CD164: variants seen among roughly 807,000 people sequenced by gnomAD.
CD164 encodes sialomucin core protein 24.
CD164 carries 11 observed loss-of-function variants against 24.6 expected under a neutral mutation model. The observed-to-expected ratio is 0.45, with a 90% CI of 0.28 to 0.74. The LOEUF (loss-of-function observed/expected upper bound fraction) is 0.74. CD164 is among the 30% of genes least tolerant of loss of function. The probability of loss-of-function intolerance (pLI) is 0.13; values close to 1 mark genes in which losing one functional copy is unlikely to be tolerated. For synonymous variants in CD164, 126 were observed against 100.3 expected, an observed-to-expected ratio of 1.26 and a Z score of -1.53; for missense variants, 295 against 243.7, an observed-to-expected ratio of 1.21 and a Z score of -1.40.
At position 109,382,316 on chromosome 6, in the gene CD164, CAGCACGCAG is replaced by C; in HGVS notation, c.54_62del (p.Cys19_Leu21del). 1 of 1,577,764 alleles carries C rather than the reference CAGCACGCAG, an allele frequency of 6.3e-7. No homozygotes were observed. Among genetic ancestry groups the C allele is most frequent in the East Asian group, 2.3e-5 (1 of 43,128 alleles). ...GCTGGGTCGTGTTCTTGTCCGCGGA[CAGCACGCAG>C]AGCACGCCCAGGCAGGTGGCGGCCC... On this transcript the variant is annotated inframe_deletion, in exon 1 of 6. Coordinates refer to ENST00000310786, the MANE Select transcript of CD164 (RefSeq NM_006016.6).
At position 109,368,428 on chromosome 6, in the gene CD164, C is replaced by A. The variant is rs1770890434; in HGVS notation, c.*423G>T. ...ATTTATTCCACTTTTGAAATGACAG[C>A]CAAAAATCCACCTAATTGATTCTCA... On this transcript the variant is annotated 3_prime_UTR_variant, in exon 6 of 6. Coordinates refer to ENST00000310786, the MANE Select transcript of CD164 (RefSeq NM_006016.6). The A allele has an allele frequency of 1.4e-6, 2 of 1,404,566 alleles. No homozygotes were observed. Among genetic ancestry groups the A allele is most frequent in the Non-Finnish European group, 1.8e-6 (2 of 1,081,406 alleles). The allele number at this position is 1,404,566 out of a possible 1,614,324, so 87.0% of individuals were successfully genotyped here.
At chr6:109,376,506 T>C (rs1456593164) in intron 3 of CD164, among the ~76,000 whole-genome samples, 1 of 152,180 alleles carries the variant, frequency 6.6e-6, no homozygotes, top group Non-Finnish European at 1.5e-5. Flanking sequence ...GTCAAAGCCA[T>C]TTTTGAGAGG....
Position 109,379,586 on chromosome 6 carries a change from T to C in CD164, c.252A>G (p.Glu84=). 6.2e-7 allele frequency: 1 copy of C among 1,611,224 alleles called. No homozygotes were observed. Residue 84 remains glutamate, a synonymous_variant, in exon 2 of 6, where the codon GAA becomes GAG. Coordinates refer to ENST00000310786, the MANE Select transcript of CD164 (RefSeq NM_006016.6). ...ATCCCCAAAGTTTCTTACCTTTACA[T>C]TCTATCCAAAAGCAGGTAGTATTAA... ...SVVNTTCFWI[E]CKDESYCSHN... is the part of the protein sequence containing the mutation.
rs547614730 is a variant in CD164, at chr6:109,377,830, G to A, written c.331+70C>T. On this transcript the variant is annotated intron_variant, in intron 3 of 5. Coordinates refer to ENST00000310786, the MANE Select transcript of CD164 (RefSeq NM_006016.6). ...TGCTTCAAACAAAGCACTGAAACAA[G>A]GCTTTCTGAGGCAATGATCTTCCTC... The A allele has an allele frequency of 3.6e-6, 4 of 1,101,536 alleles. No homozygotes were observed. The Admixed American group carries it at 6.8e-5, about 19-fold the overall frequency. The allele number at this position is 1,101,536 out of a possible 1,614,324, so 68.2% of individuals were successfully genotyped here.
At chr6:109,375,617 C>CAAAAAAAAAAAAAAAAGA (rs58138405) in intron 4 of CD164, among the ~76,000 whole-genome samples, 90 of 71,382 alleles carry the variant, frequency 1.3e-3, no homozygotes, top group African/African-American at 3.1e-3. Flanking sequence ...ACTTCGCTTC[C>CAAAAAAAAAAAAAAAAGA]AAAAAAAAAA....
chr6:109,375,962 T>C, intron 4 of CD164, 112 bp downstream of exon 4: 1 of 806,002 alleles, frequency 1.2e-6, no homozygotes, highest in East Asian at 2.9e-5. Context: ...TTTAAGTTTT[T>C]ACTCATCTTT....
At chr6:109,376,518 G>C (rs778804236) in intron 3 of CD164, among the ~76,000 whole-genome samples, 7 of 152,206 alleles carry the variant, frequency 4.6e-5, no homozygotes, top group Non-Finnish European at 1.0e-4. Flanking sequence ...TTTGAGAGGT[G>C]AAAGAGTAAA....
Position 109,382,118 on chromosome 6 carries a change from G to A in CD164, c.175+86C>T, listed in dbSNP as rs1004520133. The A allele has an allele frequency of 3.0e-5, 36 of 1,216,160 alleles. No individual in the cohort carries two copies. In the Admixed American group the frequency reaches 1.1e-3, roughly 37 times the overall value. The allele number at this position is 1,216,160 out of a possible 1,614,324, so 75.3% of individuals were successfully genotyped here. On this transcript the variant is annotated intron_variant, in intron 1 of 5. Coordinates refer to ENST00000310786, the MANE Select transcript of CD164 (RefSeq NM_006016.6). Reference sequence around the variant, plus strand: ...CGGCCCGCCCGCCCGACCGTGGCCCGAACCCGGGCCCCGCCCGCACGGCGA... The same window carrying A: ...CGGCCCGCCCGCCCGACCGTGGCCCAAACCCGGGCCCCGCCCGCACGGCGA...
intron 1 of CD164, among the ~76,000 whole-genome samples, chr6:109,381,305 C>T (rs1043869820): frequency 6.6e-6 from 1 of 152,242 alleles, no homozygotes; most frequent in African/African-American, 2.4e-5. Flanking sequence ...TAACAAAAGA[C>T]ACGCTCCTGA....
Position 109,368,399 on chromosome 6 carries a change from A to G in CD164, c.*452T>C. The stretch of plus-strand genomic sequence containing the variant: ...GATACCATTTAGTACTACTAAATTA[A>G]TAAATTTATTCCACTTTTGAAATGA... On this transcript the variant is annotated 3_prime_UTR_variant, in exon 6 of 6. Coordinates refer to ENST00000310786, the MANE Select transcript of CD164 (RefSeq NM_006016.6). 1.4e-6 allele frequency: 2 copies of G among 1,456,348 alleles called. No individual in the cohort carries two copies. The highest frequency in any genetic ancestry group is 1.8e-6 in the Non-Finnish European group (2 of 1,104,840). 90.2% of individuals were successfully genotyped at this position (1,456,348 alleles called of 1,614,324 possible).
chr6:109,375,480 G>T (rs2115157901), intron 4 of CD164, among the ~76,000 whole-genome samples: 1 of 152,126 alleles, frequency 6.6e-6, no homozygotes, highest in Admixed American at 6.5e-5. Context: ...AGTTGGGCAT[G>T]ATGGCAGGTG....
intron 4 of CD164, chr6:109,372,037 A>G (rs1771103287): frequency 6.6e-6 from 1 of 152,252 alleles, no homozygotes; most frequent in African/African-American, 2.4e-5. Context: ...ACTTCTGTTT[A>G]AAGTACATAA....
chr6:109,376,359 T>C (rs1027836641), intron 3 of CD164, among the ~76,000 whole-genome samples: 4 of 152,194 alleles, frequency 2.6e-5, no homozygotes, highest in Admixed American at 2.0e-4. Flanking sequence ...CTCCAGTGCT[T>C]CCAGGCCATC....
Position 109,382,217 on chromosome 6 carries a change from G to C in CD164, c.162C>G (p.Thr54=), listed in dbSNP as rs1165695362. ...GCCCGCGCCCACCTGGTGCCGGAGT[G>C]GTGACCAGCGGGAGGGACGTCACCG... ...SAPVTSLPLV[T]TPAPETCEGR... Residue 54 remains threonine, a synonymous_variant, in exon 1 of 6, where the codon ACC becomes ACG. Transcript: ENST00000310786. The C allele has an allele frequency of 6.4e-7, 1 of 1,570,998 alleles. No individual in the cohort carries two copies. Among genetic ancestry groups the C allele is most frequent in the East Asian group, 2.3e-5 (1 of 42,558 alleles).
chr6:109,367,680 T>G lies in CD164; in HGVS notation c.*1171A>C, dbSNP rs1770841625. ...TACAGTAACCTGATCAACCAAAAAA[T>G]CCTTAGGTGTTGTGAAATTACATTG... On this transcript the variant is annotated 3_prime_UTR_variant, in exon 6 of 6. Transcript: ENST00000310786. 6.6e-6 allele frequency: 1 copy of G among 152,592 alleles called. No individual in the cohort carries two copies. Among genetic ancestry groups the G allele is most frequent in the Non-Finnish European group, 1.5e-5 (1 of 67,998 alleles). The allele number at this position is 152,592 out of a possible 1,614,324, so 9.5% of individuals were successfully genotyped here.
intron 4 of CD164, among the ~76,000 whole-genome samples, chr6:109,374,869 C>G (rs1016800812): frequency 1.3e-5 from 2 of 152,196 alleles, no homozygotes; most frequent in Non-Finnish European, 2.9e-5. Flanking sequence ...ACATCTGCAT[C>G]CCACCCAATA....
intron 1 of CD164, 180 bp downstream of exon 1, chr6:109,382,024 C>T (rs1771782300): frequency 2.1e-6 from 1 of 475,984 alleles, no homozygotes; most frequent in Non-Finnish European, 3.3e-6. Context: ...GCGCTCCCCA[C>T]CCGGCCCGGC....
intron 1 of CD164, 123 bp downstream of exon 1, chr6:109,382,081 G>T: frequency 1.2e-6 from 1 of 833,564 alleles, no homozygotes; most frequent in Non-Finnish European, 1.6e-6. Context: ...AGTCGCCGCC[G>T]CACCCCGAGC....
At chr6:109,381,995 G>A (rs374869699) in intron 1 of CD164, 5 of 391,010 alleles carry the variant, frequency 1.3e-5, no homozygotes, top group Non-Finnish European at 2.2e-5. Flanking sequence ...TGGGAACCGC[G>A]CGTCCGCTTC....
Sources: gnomAD v4.1 joint callset for allele counts (sites outside exome capture counted in the v4.1 genomes callset) on GRCh38, gnomAD v4.1.1 for gene constraint, MANE v1.5 for transcripts, NCBI Gene and HGNC (gene_info 2026-07-23, HGNC 2026-07-21) for gene names.